The following PCDHGA11 variants were observed in gnomAD, a reference collection of about 807,000 sequenced individuals.
PCDHGA11 encodes the protein protocadherin gamma-A11.
A neutral mutation model predicts 60.4 loss-of-function variants in PCDHGA11; 39 were observed. The ratio of observed to expected loss-of-function variants is 0.65; its 90% CI spans 0.50 to 0.84. PCDHGA11 has a LOEUF of 0.84. Among genes scored for constraint, PCDHGA11 ranks in the 40% least tolerant of loss-of-function variants. The pLI is 0.00. For missense variants in PCDHGA11, 1,165 were observed against 1,197.7 expected, an observed-to-expected ratio of 0.97 and a Z score of 0.40; for synonymous variants, 533 against 510.3, an observed-to-expected ratio of 1.04 and a Z score of -0.60.
At chr5:141,453,377 T>TC (rs1242854086) in intron 1 of PCDHGA11, among the ~76,000 whole-genome samples, 3 of 152,072 alleles carry the variant, frequency 2.0e-5, no homozygotes, top group Admixed American at 2.0e-4. Context: ...CAAGTGATCC[T>TC]CCTGCCTTAG....
chr5:141,454,874 C>A (rs1002727777), intron 1 of PCDHGA11, among the ~76,000 whole-genome samples: 4 of 123,066 alleles, frequency 3.3e-5, no homozygotes, highest in African/African-American at 1.2e-4. Flanking sequence ...GTGGCACGAT[C>A]TTGGCTCACT....
chr5:141,475,899 T>A, intron 1 of PCDHGA11: 1 of 574,766 alleles, frequency 1.7e-6, no homozygotes. Flanking sequence ...TGTGTGCCGC[T>A]GTCGGCCAAT....
In PCDHGA11 at chr5:141,462,551, G is replaced by C. The variant is rs57555347; in HGVS notation, c.2434-32256G>C. 8.3e-3 allele frequency among the ~76,000 whole-genome samples: 1,259 copies of C among 151,854 alleles called. 17 individuals carry two copies. The highest frequency in any genetic ancestry group is 0.029 in the African/African-American group (1,196 of 41,422). ...TTGTTCAGTGATCTTTTCTTCTTCA[G>C]TGTTTACTGTATTTGCTAATCCCAT... On this transcript the variant is annotated intron_variant, in intron 1 of 3. Transcript: ENST00000398587.
rs1049831420 is a variant in PCDHGA11 at position 141,486,549 on chromosome 5, C to T, written c.2434-8258C>T. ...AATCCACCCTCTTTCTTTCAGAGGTCACATGAGGTGTTTGTTCCTGAGAAC... is the reference window on the plus strand; with the variant it reads ...AATCCACCCTCTTTCTTTCAGAGGTTACATGAGGTGTTTGTTCCTGAGAAC... On this transcript the variant is annotated intron_variant, in intron 1 of 3. Coordinates refer to ENST00000398587, the MANE Select transcript of PCDHGA11 (RefSeq NM_018914.3). This position sits in a 1 kb window ranked among gnomAD's most constrained non-coding sequence, Gnocchi z 5.0. The T allele has an allele frequency of 3.1e-6, 5 of 1,613,982 alleles. No individual in the cohort carries two copies. In the African/African-American group the frequency reaches 4.0e-5, roughly 13 times the overall value.
chr5:141,505,155 C>T (rs2099844224), intron 2 of PCDHGA11, among the ~76,000 whole-genome samples: 1 of 152,162 alleles, frequency 6.6e-6, no homozygotes, highest in Non-Finnish European at 1.5e-5. Context: ...GAGTAAGACC[C>T]TGTCTAAAAC....
intron 1 of PCDHGA11, among the ~76,000 whole-genome samples, chr5:141,466,351 A>G (rs897901821): frequency 6.6e-6 from 1 of 152,050 alleles, no homozygotes; most frequent in African/African-American, 2.4e-5. Context: ...TTTTGCAGCT[A>G]ATCTAGATGT....
chr5:141,427,105 A>C (rs1413188668), intron 1 of PCDHGA11: 1 of 457,776 alleles, frequency 2.2e-6, no homozygotes, highest in Non-Finnish European at 4.4e-6. Flanking sequence ...GTCAATGCGG[A>C]GATCACCTAC....
chr5:141,487,748 T>A lies in PCDHGA11; in HGVS notation c.2434-7059T>A, dbSNP rs1458153935. ...TGTCACCATTTTTGTAAGAGGTAACTATGTGGTAGACGCTGTGCTTTGTAA... is the reference window on the plus strand; with the variant it reads ...TGTCACCATTTTTGTAAGAGGTAACAATGTGGTAGACGCTGTGCTTTGTAA... On this transcript the variant is annotated intron_variant, in intron 1 of 3. Transcript: ENST00000398587. This position sits in a 1 kb window ranked among gnomAD's most constrained non-coding sequence, Gnocchi z 5.0. 6.4e-7 allele frequency: 1 copy of A among 1,557,554 alleles called. No homozygotes were observed. The highest frequency in any genetic ancestry group is 1.2e-5 in the South Asian group (1 of 84,814).
intron 3 of PCDHGA11, 157 bp downstream of exon 3, chr5:141,505,638 T>C: frequency 1.0e-6 from 1 of 968,044 alleles, no homozygotes; most frequent in Non-Finnish European, 1.2e-6. Context: ...ACATAAAGCC[T>C]GGAATTGTGG....
At position 141,490,870 on chromosome 5, in the gene PCDHGA11, T is replaced by C; in HGVS notation, c.2434-3937T>C. Reference sequence around the variant, plus strand: ...GGTTCGAGACTCCGGCTCTCCCCCATTGCATGCCAACACATCTCTGCATGT... The same window carrying C: ...GGTTCGAGACTCCGGCTCTCCCCCACTGCATGCCAACACATCTCTGCATGT... On this transcript the variant is annotated intron_variant, in intron 1 of 3. Coordinates refer to ENST00000398587, the MANE Select transcript of PCDHGA11 (RefSeq NM_018914.3). The surrounding 1 kb of genome is among the most constrained non-coding windows in gnomAD (Gnocchi z 5.4). 6.2e-7 allele frequency: 1 copy of C among 1,613,888 alleles called. No homozygotes were observed. Among genetic ancestry groups the C allele is most frequent in the Non-Finnish European group, 8.5e-7 (1 of 1,179,932 alleles).
intron 1 of PCDHGA11, among the ~76,000 whole-genome samples, chr5:141,482,554 A>T (rs997707871): frequency 4.1e-5 from 6 of 146,884 alleles, no homozygotes; most frequent in Non-Finnish European, 6.0e-5. Flanking sequence ...AAAAAAGATA[A>T]TGGAGATCTG....
Position 141,432,943 on chromosome 5 carries a change from A to G in PCDHGA11, c.2433+9283A>G, listed in dbSNP as rs1200038728. ...ACAAGTCACGCCTGCTGCAGGCTTC[A>G]GGAGGCGGCTTGACAGGAGCGCCGG... On this transcript the variant is annotated intron_variant, in intron 1 of 3. Transcript: ENST00000398587. This position sits in a 1 kb window ranked among gnomAD's most constrained non-coding sequence, Gnocchi z 6.0. 5.6e-6 allele frequency: 9 copies of G among 1,614,168 alleles called. No homozygotes were observed. The highest frequency in any genetic ancestry group is 1.7e-4 in the Middle Eastern group (1 of 6,060).
chr5:141,494,927 G>A, intron 2 of PCDHGA11, 62 bp downstream of exon 2: 1 of 1,613,516 alleles, frequency 6.2e-7, no homozygotes, highest in Non-Finnish European at 8.5e-7. Flanking sequence ...GATGACGTGG[G>A]AGGAGATGGG....
At chr5:141,426,720 A>T (rs1448232477) in intron 1 of PCDHGA11, 4 of 447,600 alleles carry the variant, frequency 8.9e-6, no homozygotes, top group Non-Finnish European at 1.8e-5. Flanking sequence ...TGAACTAGCA[A>T]TTCCAGGCAT....
intron 1 of PCDHGA11, chr5:141,427,514 G>A (rs1193674497): frequency 1.7e-6 from 1 of 595,712 alleles, no homozygotes; most frequent in Non-Finnish European, 3.2e-6. Context: ...CCCTGGATTG[G>A]GAGCGGATCC....
At chr5:141,494,064 G>T (rs1233070772) in intron 1 of PCDHGA11, among the ~76,000 whole-genome samples, 2 of 152,160 alleles carry the variant, frequency 1.3e-5, no homozygotes, top group South Asian at 2.1e-4. Flanking sequence ...TGTGGGAGCT[G>T]GATCCCTCCC....
At position 141,477,576 on chromosome 5, in the gene PCDHGA11, C is replaced by A; in HGVS notation, c.2434-17231C>A. The A allele has an allele frequency of 6.2e-7, 1 of 1,614,162 alleles. No homozygotes were observed. The highest frequency in any genetic ancestry group is 8.5e-7 in the Non-Finnish European group (1 of 1,180,026). On this transcript the variant is annotated intron_variant, in intron 1 of 3. Transcript: ENST00000398587. The surrounding 1 kb of genome is among the most constrained non-coding windows in gnomAD (Gnocchi z 4.9). ...CTAAGTGTCTGGGACCCCGACGCCC[C>A]GCAGAATGCTCGGCTTTCTTTCTTT...
chr5:141,489,229 G>C lies in PCDHGA11; in HGVS notation c.2434-5578G>C. The C allele has an allele frequency of 6.6e-7, 1 of 1,522,252 alleles. No homozygotes were observed. Among genetic ancestry groups the C allele is most frequent in the Non-Finnish European group, 8.8e-7 (1 of 1,133,810 alleles). The allele number at this position is 1,522,252 out of a possible 1,614,324, so 94.3% of individuals were successfully genotyped here. On this transcript the variant is annotated intron_variant, in intron 1 of 3. Coordinates refer to ENST00000398587, the MANE Select transcript of PCDHGA11 (RefSeq NM_018914.3). This position sits in a 1 kb window ranked among gnomAD's most constrained non-coding sequence, Gnocchi z 4.5. ...AGCACAGACTTACTCTCCACAAAGG[G>C]ACTTCTGGGTCATGGGGCCCAAGAC...
chr5:141,437,156 G>T (rs2097864365), intron 1 of PCDHGA11, among the ~76,000 whole-genome samples: 1 of 152,172 alleles, frequency 6.6e-6, no homozygotes, highest in African/African-American at 2.4e-5. Context: ...TAACATATGT[G>T]TTGATTGTTT....
Sources: gnomAD v4.1 joint callset for allele counts (sites outside exome capture counted in the v4.1 genomes callset) on GRCh38, gnomAD v4.1.1 for gene constraint, Gnocchi (gnomAD v3.1) non-coding constraint, MANE v1.5 for transcripts, NCBI Gene and HGNC (gene_info 2026-07-23, HGNC 2026-07-21) for gene names.